The following ZNF365 variants were observed in gnomAD, a reference collection of about 807,000 sequenced individuals.
ZNF365 encodes the protein protein ZNF365.
In ZNF365, 22 loss-of-function variants were observed where a neutral mutation model predicts 35.0. That is an observed-to-expected ratio of 0.63 (90% CI 0.45 to 0.90). The LOEUF (loss-of-function observed/expected upper bound fraction) is 0.90. ZNF365 is among the 40% of genes least tolerant of loss of function. ZNF365 has a pLI of 0.00. For synonymous variants in ZNF365, 188 were observed against 196.2 expected, an observed-to-expected ratio of 0.96 and a Z score of 0.35; for missense variants, 448 against 500.3, an observed-to-expected ratio of 0.90 and a Z score of 1.00.
At chr10:62,466,014 GGA>G (rs1056034130) in intron 4 of ZNF365, among the ~76,000 whole-genome samples, 1 of 152,146 alleles carries the variant, frequency 6.6e-6, no homozygotes, top group African/African-American at 2.4e-5. Context: ...CAAGAGCTGT[GGA>G]CCTGAGTGGG....
intron 4 of ZNF365, among the ~76,000 whole-genome samples, chr10:62,471,308 G>A (rs1170475884): frequency 6.7e-6 from 1 of 150,222 alleles, no homozygotes; most frequent in Non-Finnish European, 1.5e-5. Context: ...GGAGCTTGCA[G>A]TGAGCCGAGA....
intron 2 of ZNF365, among the ~76,000 whole-genome samples, chr10:62,379,413 G>A (rs1019150278): frequency 6.6e-6 from 1 of 151,912 alleles, no homozygotes; most frequent in Non-Finnish European, 1.5e-5. Flanking sequence ...AAATGAAAGC[G>A]CAGTGAAATT....
chr10:62,414,448 A>G (rs1249602293), intron 3 of ZNF365, among the ~76,000 whole-genome samples: 3 of 151,968 alleles, frequency 2.0e-5, no homozygotes, highest in African/African-American at 4.8e-5. Flanking sequence ...GGCTTTAGCA[A>G]TCTTCCCACT....
chr10:62,441,448 T>C lies in ZNF365; in HGVS notation c.925-18293T>C, dbSNP rs369259432. 9.9e-5 allele frequency among the ~76,000 whole-genome samples: 15 copies of C among 152,284 alleles called. No individual in the cohort carries two copies. In the East Asian group the frequency reaches 2.9e-3, roughly 29 times the overall value. ...CATCTAGACCATTTTCTTTATTTTA[T>C]AGATAAGAAAATTGAGGCTCAGAGA... On this transcript the variant is annotated intron_variant, in intron 3 of 4. Transcript: ENST00000395255.
Position 62,376,673 on chromosome 10 carries a change from T to C in ZNF365, c.480T>C (p.His160=). ...TSDTKASFEA[H]VREKFNRMVE... ...ACACCAAAGCTTCTTTCGAGGCACA[T>C]GTCAGAGAAAAATTCAATCGAATGG... Residue 160 remains histidine, a synonymous_variant, in exon 2 of 5, where the codon CAT becomes CAC. Transcript: ENST00000395254. 1 of 1,614,158 alleles carries C rather than the reference T, an allele frequency of 6.2e-7. No homozygotes were observed. The highest frequency in any genetic ancestry group is 8.5e-7 in the Non-Finnish European group (1 of 1,180,038).
chr10:62,405,375 G>T (rs1379126916), downstream of ZNF365, among the ~76,000 whole-genome samples: 1 of 152,242 alleles, frequency 6.6e-6, no homozygotes, highest in Non-Finnish European at 1.5e-5. Context: ...ATGAGAGGGG[G>T]GCTTATGATG....
At chr10:62,405,639 C>T (rs753893343), downstream of ZNF365, among the ~76,000 whole-genome samples, 9 of 152,224 alleles carry the variant, frequency 5.9e-5, no homozygotes, top group Non-Finnish European at 8.8e-5. Context: ...CGTTGCCACT[C>T]TGTAAGCTCA....
chr10:62,465,370 C>T (rs145313382), intron 4 of ZNF365, among the ~76,000 whole-genome samples: 201 of 152,164 alleles, frequency 1.3e-3, no homozygotes, highest in African/African-American at 4.6e-3. Flanking sequence ...ACAGCCTGGG[C>T]GCTGTGGATG....
chr10:62,394,745 A>G (rs910755373), intron 3 of ZNF365, among the ~76,000 whole-genome samples: 3 of 152,256 alleles, frequency 2.0e-5, no homozygotes, highest in African/African-American at 4.8e-5. Context: ...AAATTTTTCC[A>G]TAGCACAGAA....
intron 3 of ZNF365, among the ~76,000 whole-genome samples, chr10:62,426,505 C>T (rs1457533382): frequency 1.3e-5 from 2 of 152,082 alleles, no homozygotes; most frequent in Non-Finnish European, 2.9e-5. Context: ...GGTGCAGCTA[C>T]AGGAGAGGCT....
chr10:62,468,981 CAT>C (rs1323185032), intron 4 of ZNF365, among the ~76,000 whole-genome samples: 3 of 152,280 alleles, frequency 2.0e-5, no homozygotes, highest in African/African-American at 7.2e-5. Context: ...GAAGGTGAAA[CAT>C]AGCCTTACCA....
intron 3 of ZNF365, among the ~76,000 whole-genome samples, chr10:62,416,814 A>G (rs1319946057): frequency 6.6e-6 from 1 of 152,056 alleles, no homozygotes; most frequent in Admixed American, 6.6e-5. Flanking sequence ...TCCAGTGAGC[A>G]TTTCATTTGA....
chr10:62,400,485 G>A lies in ZNF365; in HGVS notation c.*696G>A, dbSNP rs981694761. ...TACACCTCTGCCGTCTTCTTTGGCT[G>A]AGTATTCTGCACCCACAGACCATGC... On this transcript the variant is annotated 3_prime_UTR_variant, in exon 5 of 5. Coordinates refer to ENST00000395254, the MANE Select transcript of ZNF365 (RefSeq NM_014951.3). The A allele has an allele frequency of 1.0e-6, 1 of 985,892 alleles. No individual in the cohort carries two copies. Among genetic ancestry groups the A allele is most frequent in the Non-Finnish European group, 1.2e-6 (1 of 829,972 alleles). The allele number at this position is 985,892 out of a possible 1,614,324, so 61.1% of individuals were successfully genotyped here. A position where few individuals can be genotyped will look rare whatever the true frequency, so the allele number is the denominator to read the frequency against.
chr10:62,427,847 T>G (rs764151854), intron 3 of ZNF365, among the ~76,000 whole-genome samples: 4 of 152,146 alleles, frequency 2.6e-5, no homozygotes, highest in Non-Finnish European at 5.9e-5. Context: ...GTTGTTGCAG[T>G]AGGTGCCAGT....
intron 3 of ZNF365, among the ~76,000 whole-genome samples, chr10:62,459,396 G>C (rs1332867154): frequency 1.3e-5 from 2 of 152,232 alleles, no homozygotes; most frequent in East Asian, 3.8e-4. Flanking sequence ...AGAAAATGCA[G>C]ATCATCAGGG....
chr10:62,415,598 T>C lies in ZNF365; in HGVS notation c.924+27022T>C, dbSNP rs1840061701. Among the ~76,000 whole-genome samples the C allele has an allele frequency of 2.6e-5, 4 of 152,180 alleles. No individual in the cohort carries two copies. The South Asian group carries it at 8.3e-4, about 31-fold the overall frequency. ...AGCTTGCAAGTTCTAAAATTTACTCTTATTTCTCTAGTACCATAAGTACAT... is the reference window on the plus strand; with the variant it reads ...AGCTTGCAAGTTCTAAAATTTACTCCTATTTCTCTAGTACCATAAGTACAT... On this transcript the variant is annotated intron_variant, in intron 3 of 4. Transcript: ENST00000395255.
intron 4 of ZNF365, among the ~76,000 whole-genome samples, chr10:62,478,162 T>C (rs1290385767): frequency 6.6e-6 from 1 of 152,082 alleles, no homozygotes. Flanking sequence ...CTTTTCTTGA[T>C]CCAAAGCTTC....
intron 2 of ZNF365, among the ~76,000 whole-genome samples, chr10:62,384,668 A>C (rs1457609141): frequency 2.0e-5 from 3 of 152,202 alleles, no homozygotes; most frequent in Non-Finnish European, 4.4e-5. Context: ...GGGGTATTTT[A>C]ATAGCCTTCT....
chr10:62,451,227 T>C (rs1309005796), intron 3 of ZNF365, among the ~76,000 whole-genome samples: 1 of 152,206 alleles, frequency 6.6e-6, no homozygotes, highest in Non-Finnish European at 1.5e-5. Flanking sequence ...TGAATCTTGA[T>C]GCTCCTTTTT....
Sources: gnomAD v4.1 joint callset for allele counts (sites outside exome capture counted in the v4.1 genomes callset) on GRCh38, gnomAD v4.1.1 for gene constraint, MANE v1.5 for transcripts, NCBI Gene and HGNC (gene_info 2026-07-23, HGNC 2026-07-21) for gene names.